Variants in PNOC observed in about 807,000 individuals in gnomAD.
The protein encoded by PNOC is nociceptin.
Under a neutral mutation model 15.6 loss-of-function variants are expected in PNOC, and 10 were observed. That is an observed-to-expected ratio of 0.64 (90% confidence interval 0.40 to 1.09). PNOC has a LOEUF of 1.09. Among genes scored for constraint, PNOC ranks in the 50% least tolerant of loss-of-function variants. PNOC has a pLI of 0.01. For synonymous variants in PNOC, 98 were observed against 88.5 expected (o/e 1.11, Z -0.60); for missense variants, 220 against 223.9 (o/e 0.98, Z 0.11).
At chr8:28,328,504 G>A (rs762433920) in intron 1 of PNOC, among the ~76,000 whole-genome samples, 48 of 139,632 alleles carry the variant, frequency 3.4e-4, no homozygotes, top group Admixed American at 1.5e-3. Flanking sequence ...GTACCTGGAA[G>A]AGAGAATTCG....
chr8:28,327,765 C>T (rs1416080649), intron 1 of PNOC, among the ~76,000 whole-genome samples: 2 of 152,044 alleles, frequency 1.3e-5, no homozygotes, highest in Non-Finnish European at 2.9e-5. Context: ...ATCCACCTGC[C>T]TCAGCCTCCC....
At position 28,324,447 on chromosome 8, in the gene PNOC, T is replaced by C. The variant is rs750845773; in HGVS notation, c.-23-4688T>C. Among the ~76,000 whole-genome samples, 23 of 152,324 alleles carry C rather than the reference T, an allele frequency of 1.5e-4. No homozygotes were observed. The South Asian group carries it at 2.5e-3, about 16-fold the overall frequency. ...AGGAAGGAAAGGAAACGGCTCCTTTTCTCCTCCCTTCCCTTTCTTCTGCGA... is the reference window on the plus strand; with the variant it reads ...AGGAAGGAAAGGAAACGGCTCCTTTCCTCCTCCCTTCCCTTTCTTCTGCGA... On this transcript the variant is annotated intron_variant, in intron 1 of 3. Coordinates refer to ENST00000301908, the MANE Select transcript of PNOC (RefSeq NM_006228.5).
chr8:28,332,834 C>G lies in PNOC; in HGVS notation c.126+3551C>G, dbSNP rs910204038. Among the ~76,000 whole-genome samples the G allele has an allele frequency of 5.3e-5, 8 of 152,266 alleles. 1 individual carries two copies. The highest frequency in any genetic ancestry group is 1.9e-4 in the African/African-American group (8 of 41,560). ...GGCATGGTGATGCATGCCTGTAATC[C>G]CAGCTACTCAGGAGGCTGAGGCAGA... On this transcript the variant is annotated intron_variant, in intron 2 of 3. Transcript: ENST00000301908.
intron 2 of PNOC, among the ~76,000 whole-genome samples, chr8:28,334,582 C>T (rs1801382569): frequency 6.6e-6 from 1 of 152,108 alleles, no homozygotes; most frequent in Admixed American, 6.5e-5. Context: ...GCAGCCTTGA[C>T]TTCCCAGGCC....
At chr8:28,318,706 C>T (rs1801100138) in intron 1 of PNOC, among the ~76,000 whole-genome samples, 1 of 152,018 alleles carries the variant, frequency 6.6e-6, no homozygotes, top group South Asian at 2.1e-4. Context: ...AAAACCCATC[C>T]CCAACCATCA....
chr8:28,335,265 G>A (rs1801393224), intron 2 of PNOC, among the ~76,000 whole-genome samples: 1 of 152,170 alleles, frequency 6.6e-6, no homozygotes, highest in Non-Finnish European at 1.5e-5. Context: ...AGCACACAGA[G>A]GTAGCTGAGT....
At chr8:28,338,546 A>T (rs1430935067) in intron 2 of PNOC, 1 of 959,170 alleles carries the variant, frequency 1.0e-6, no homozygotes, top group Non-Finnish European at 1.2e-6. Context: ...ACACCTAGGT[A>T]GATCTTTACA....
chr8:28,334,317 T>G (rs1801377045), intron 2 of PNOC, among the ~76,000 whole-genome samples: 1 of 152,216 alleles, frequency 6.6e-6, no homozygotes, highest in Admixed American at 6.5e-5. Flanking sequence ...ACCACCGTGT[T>G]CTGTGATGGC....
At chr8:28,337,479 T>A (rs1801430271) in intron 2 of PNOC, among the ~76,000 whole-genome samples, 1 of 152,048 alleles carries the variant, frequency 6.6e-6, no homozygotes. Flanking sequence ...TTTGTATTTT[T>A]AGCAGAGATG....
chr8:28,324,078 C>T lies in PNOC; in HGVS notation c.-23-5057C>T, dbSNP rs79658318. ...GGGAGGTTGGAGTCCGAAAGGTAGA[C>T]GTGCCTCTGACCCACAGGGAGGTCC... On this transcript the variant is annotated intron_variant, in intron 1 of 3. Transcript: ENST00000301908. Among the ~76,000 whole-genome samples, 516 of 152,278 alleles carry T rather than the reference C, an allele frequency of 3.4e-3. 2 individuals carry two copies. Among genetic ancestry groups the T allele is most frequent in the African/African-American group, 0.011 (459 of 41,554 alleles).
At chr8:28,317,761 T>G (rs1801082856) in intron 1 of PNOC, among the ~76,000 whole-genome samples, 1 of 152,040 alleles carries the variant, frequency 6.6e-6, no homozygotes, top group Admixed American at 6.5e-5. Flanking sequence ...TCCTTTCCTC[T>G]CAGATGCGGT....
At chr8:28,325,672 G>GAAAAAA (rs558412916) in intron 1 of PNOC, among the ~76,000 whole-genome samples, 6 of 94,466 alleles carry the variant, frequency 6.4e-5, no homozygotes, top group South Asian at 3.3e-4. Context: ...AAAAGAAAAA[G>GAAAAAA]AAAAAAAAAA....
At chr8:28,333,459 G>A (rs1037070419) in intron 2 of PNOC, among the ~76,000 whole-genome samples, 1 of 152,224 alleles carries the variant, frequency 6.6e-6, no homozygotes, top group East Asian at 1.9e-4. Context: ...AAAAAGGCTG[G>A]TGAGTTCCCC....
chr8:28,317,051 C>A (rs1801070476), upstream of PNOC: 1 of 152,350 alleles, frequency 6.6e-6, no homozygotes, highest in African/African-American at 2.4e-5. Flanking sequence ...GAACAGAGTC[C>A]AGGTGAAGCA....
chr8:28,320,376 G>A (rs1012561241), intron 1 of PNOC, among the ~76,000 whole-genome samples: 1 of 152,034 alleles, frequency 6.6e-6, no homozygotes. Flanking sequence ...CAGAGCAAGT[G>A]CCAGGAGCAC....
rs1801283212 is a variant in PNOC, at chr8:28,329,303, CAG to C, written c.126+25_126+26del. 1 of 1,611,090 alleles carries C rather than the reference CAG, an allele frequency of 6.2e-7. No individual in the cohort carries two copies. The highest frequency in any genetic ancestry group is 1.1e-5 in the South Asian group (1 of 91,080). ...CTGGAGGTAGGTCTCCAAGGCAAGG[CAG>C]AGAGGCTGTCCTCCTCCCTGACTAC... On this transcript the variant is annotated intron_variant, in intron 2 of 3. Transcript: ENST00000301908.
At chr8:28,338,268 C>T (rs766685498) in intron 2 of PNOC, among the ~76,000 whole-genome samples, 1 of 152,110 alleles carries the variant, frequency 6.6e-6, no homozygotes, top group African/African-American at 2.4e-5. Context: ...AGGTCAGAAC[C>T]AGCCAAGAGG....
intron 2 of PNOC, among the ~76,000 whole-genome samples, chr8:28,331,421 T>C (rs1014656255): frequency 1.3e-5 from 2 of 152,012 alleles, no homozygotes; most frequent in Non-Finnish European, 1.5e-5. Flanking sequence ...CTGTGTTGGT[T>C]CCTTGTCCTC....
At chr8:28,334,137 T>G (rs1362185835) in intron 2 of PNOC, among the ~76,000 whole-genome samples, 1 of 151,834 alleles carries the variant, frequency 6.6e-6, no homozygotes, top group Non-Finnish European at 1.5e-5. Context: ...AATGGCCCCT[T>G]AGTGGGCAAA....
Sources: allele counts gnomAD v4.1 joint callset (sites outside exome capture counted in the v4.1 genomes callset), GRCh38; gene constraint gnomAD v4.1.1; transcripts MANE v1.5; gene names NCBI Gene and HGNC (gene_info 2026-07-23, HGNC 2026-07-21).